The following LRFN5 variants were observed in gnomAD, a reference collection of about 807,000 sequenced individuals.
LRFN5 encodes leucine rich repeat and fibronectin type III domain containing 5, also known as leucine-rich repeat and fibronectin type-III domain-containing protein 5.
LRFN5 carries 24 observed loss-of-function variants against 45.6 expected under a neutral mutation model. That is an observed-to-expected ratio of 0.53 (90% CI 0.38 to 0.74). LRFN5 has a LOEUF of 0.74. Ranked by LOEUF, LRFN5 falls within the 30% of genes least tolerant of loss-of-function variation. The pLI is 0.00. For missense variants in LRFN5, 776 were observed against 861.5 expected (o/e 0.90, Z 1.24); for synonymous variants, 340 against 313.8 (o/e 1.08, Z -0.88).
chr14:41,637,048 A>T (rs939346198), intron 1 of LRFN5, among the ~76,000 whole-genome samples: 11 of 152,180 alleles, frequency 7.2e-5, no homozygotes, highest in Non-Finnish European at 1.6e-4. Context: ...GTTACATTCC[A>T]CAAGAGAGAC....
At chr14:41,876,543 G>T (rs748579785) in intron 2 of LRFN5, among the ~76,000 whole-genome samples, 2 of 149,780 alleles carry the variant, frequency 1.3e-5, no homozygotes, top group Non-Finnish European at 3.0e-5. Flanking sequence ...TGATCCACCC[G>T]CCTTGGCCTC....
intron 4 of LRFN5, among the ~76,000 whole-genome samples, chr14:41,897,075 A>C (rs1046057616): frequency 1.3e-5 from 2 of 151,500 alleles, no homozygotes; most frequent in Admixed American, 1.3e-4. Context: ...CTGGTGACAG[A>C]GTGAGACTCT....
intron 2 of LRFN5, among the ~76,000 whole-genome samples, chr14:41,885,460 T>C (rs951609336): frequency 1.3e-5 from 2 of 151,898 alleles, no homozygotes; most frequent in Non-Finnish European, 2.9e-5. Flanking sequence ...AACAGAAAAA[T>C]GAAAATTGTC....
intron 2 of LRFN5, among the ~76,000 whole-genome samples, chr14:41,865,265 C>A (rs1889799960): frequency 6.6e-6 from 1 of 152,250 alleles, no homozygotes; most frequent in East Asian, 1.9e-4. Context: ...AACCACCACT[C>A]TACTTTCCAT....
intron 4 of LRFN5, chr14:41,892,213 A>G: frequency 3.0e-6 from 3 of 985,200 alleles, no homozygotes; most frequent in Non-Finnish European, 2.4e-6. Context: ...TTTTCATGAA[A>G]AATCATTTTG....
intron 1 of LRFN5, among the ~76,000 whole-genome samples, chr14:41,696,088 G>A (rs573709245): frequency 7.5e-4 from 114 of 152,030 alleles, no homozygotes; most frequent in African/African-American, 2.7e-3. Flanking sequence ...ACAACTTTGA[G>A]GGGTTCAAGA....
intron 1 of LRFN5, among the ~76,000 whole-genome samples, chr14:41,671,082 C>G (rs2138659026): frequency 6.6e-6 from 1 of 151,640 alleles, no homozygotes; most frequent in South Asian, 2.1e-4. Context: ...TATTAGACTG[C>G]AAAAGTCATG....
intron 2 of LRFN5, among the ~76,000 whole-genome samples, chr14:41,796,088 A>C (rs148244288): frequency 6.6e-6 from 1 of 151,982 alleles, no homozygotes; most frequent in African/African-American, 2.4e-5. Flanking sequence ...AATCAATAAA[A>C]GTTTTTTCAA....
At chr14:41,673,769 CCCGGACGGGGCGGCTGG>C (rs1352278821) in intron 1 of LRFN5, among the ~76,000 whole-genome samples, 1 of 145,974 alleles carries the variant, frequency 6.9e-6, no homozygotes, top group African/African-American at 2.5e-5. Flanking sequence ...CCCTTCACCT[CCCGGACGGGGCGGCTGG>C]CCGGGCGGGG....
At chr14:41,628,548 A>C (rs1211868986) in intron 1 of LRFN5, among the ~76,000 whole-genome samples, 1 of 152,034 alleles carries the variant, frequency 6.6e-6, no homozygotes, top group Non-Finnish European at 1.5e-5. Flanking sequence ...AGGCTGCAGC[A>C]AGCCATGATT....
At chr14:41,846,705 C>A (rs1203630725) in intron 2 of LRFN5, among the ~76,000 whole-genome samples, 1 of 152,080 alleles carries the variant, frequency 6.6e-6, no homozygotes, top group East Asian at 1.9e-4. Context: ...CTTAGCTAAA[C>A]CCCAGGTGTG....
At chr14:41,895,539 C>T (rs1169131463) in intron 4 of LRFN5, among the ~76,000 whole-genome samples, 3 of 151,934 alleles carry the variant, frequency 2.0e-5, no homozygotes, top group Non-Finnish European at 2.9e-5. Context: ...GTGGGAAAAT[C>T]GCTTGAGCCT....
intron 2 of LRFN5, among the ~76,000 whole-genome samples, chr14:41,869,717 G>C (rs1468014103): frequency 6.6e-6 from 1 of 152,068 alleles, no homozygotes; most frequent in Non-Finnish European, 1.5e-5. Context: ...TGGCAGACAA[G>C]AGAGAGCTTG....
intron 1 of LRFN5, among the ~76,000 whole-genome samples, chr14:41,731,070 G>A (rs750944819): frequency 5.3e-5 from 8 of 151,950 alleles, no homozygotes; most frequent in Non-Finnish European, 1.0e-4. Flanking sequence ...GTTTAATGAT[G>A]CAATGATAAT....
chr14:41,880,838 G>A (rs1164367019), intron 2 of LRFN5, among the ~76,000 whole-genome samples: 5 of 152,048 alleles, frequency 3.3e-5, no homozygotes, highest in East Asian at 3.9e-4. Context: ...CAGTGTTTTC[G>A]TGGTTTCTTG....
At position 41,726,701 on chromosome 14, in the gene LRFN5, G is replaced by A. The variant is rs570383086; in HGVS notation, c.-196-40153G>A. Reference sequence around the variant, plus strand: ...TCTGAAACAGTTTTCTCTGTTACAGGTGGTTCAAAAGTATAAAGCACATTA... The same window carrying A: ...TCTGAAACAGTTTTCTCTGTTACAGATGGTTCAAAAGTATAAAGCACATTA... On this transcript the variant is annotated intron_variant, in intron 1 of 5. Transcript: ENST00000298119. Among the ~76,000 whole-genome samples, 15 of 152,072 alleles carry A rather than the reference G, an allele frequency of 9.9e-5. No individual in the cohort carries two copies. The South Asian group carries it at 3.1e-3, about 31-fold the overall frequency.
chr14:41,897,089 AAAATAAATAAATAAATAAAT>A (rs527665190), intron 4 of LRFN5, among the ~76,000 whole-genome samples: 1 of 148,478 alleles, frequency 6.7e-6, no homozygotes, highest in Non-Finnish European at 1.5e-5. Context: ...AGACTCTGTC[AAAATAAATAAATAAATAAAT>A]AAATAAATAA....
chr14:41,624,481 A>T (rs1023508156), intron 1 of LRFN5, among the ~76,000 whole-genome samples: 2 of 152,144 alleles, frequency 1.3e-5, no homozygotes, highest in African/African-American at 4.8e-5. Flanking sequence ...ATATAGCAAA[A>T]AATAGAAAAA....
chr14:41,659,610 C>A (rs1324928327), intron 1 of LRFN5, among the ~76,000 whole-genome samples: 1 of 152,056 alleles, frequency 6.6e-6, no homozygotes, highest in African/African-American at 2.4e-5. Flanking sequence ...GGTTCTAGAT[C>A]CTTGAGGAAT....
Sources: allele counts gnomAD v4.1 joint callset (sites outside exome capture counted in the v4.1 genomes callset), GRCh38; gene constraint gnomAD v4.1.1; transcripts MANE v1.5; gene names NCBI Gene and HGNC (gene_info 2026-07-23, HGNC 2026-07-21).